The following CCDC32 variants were observed in gnomAD, a reference collection of about 807,000 sequenced individuals.
CCDC32 encodes the protein coiled-coil domain containing 32.
In CCDC32, 9 loss-of-function variants were observed where a neutral mutation model predicts 20.1. The ratio of observed to expected loss-of-function variants is 0.45; its 90% CI spans 0.27 to 0.78. CCDC32 has a LOEUF of 0.78. Among genes scored for constraint, CCDC32 ranks in the 30% least tolerant of loss-of-function variants. CCDC32 has a pLI of 0.16. For missense variants in CCDC32, 204 were observed against 215.5 expected (o/e 0.95, Z 0.33); for synonymous variants, 63 against 79.0 (o/e 0.80, Z 1.07).
chr15:40,562,714 G>A (rs1469737693), intron 2 of CCDC32, 58 bp downstream of exon 2: 2 of 1,551,118 alleles, frequency 1.3e-6, no homozygotes, highest in Non-Finnish European at 1.7e-6. Context: ...AAAAGAATAG[G>A]AAACCAAGTT....
At chr15:40,526,773 C>T (rs1282381350), downstream of CCDC32, among the ~76,000 whole-genome samples, 1 of 152,102 alleles carries the variant, frequency 6.6e-6, no homozygotes, top group African/African-American at 2.4e-5. Flanking sequence ...ATTAGCTGGG[C>T]ATGGTGGCAT....
chr15:40,558,577 G>T (rs1210432672), intron 2 of CCDC32, among the ~76,000 whole-genome samples: 1 of 152,004 alleles, frequency 6.6e-6, no homozygotes, highest in Non-Finnish European at 1.5e-5. Flanking sequence ...CTCTCTCTAA[G>T]TATGCTGAGT....
In CCDC32 at chr15:40,553,137, T is replaced by A. The variant is rs1291831125; in HGVS notation, c.*834A>T. ...AGTTTTATATGGAAACACATACTGA[T>A]CATGAACACAATAAACAGGGAGGGA... On this transcript the variant is annotated 3_prime_UTR_variant, in exon 4 of 4. Coordinates refer to ENST00000416810, the MANE Select transcript of CCDC32 (RefSeq NM_001080792.4). The A allele has an allele frequency of 1.0e-6, 1 of 985,268 alleles. No homozygotes were observed. The highest frequency in any genetic ancestry group is 1.2e-6 in the Non-Finnish European group (1 of 829,968). 61.0% of individuals were successfully genotyped at this position (985,268 alleles called of 1,614,324 possible).
At chr15:40,564,849 A>C in intron 1 of CCDC32, 127 bp downstream of exon 1, 1 of 1,601,632 alleles carries the variant, frequency 6.2e-7, no homozygotes. Flanking sequence ...CCCAGGCCTC[A>C]GTCGCTCAGG....
downstream of CCDC32, among the ~76,000 whole-genome samples, chr15:40,525,168 C>A (rs946461406): frequency 6.6e-6 from 1 of 152,088 alleles, no homozygotes; most frequent in Non-Finnish European, 1.5e-5. Context: ...GCTCGGATTA[C>A]AGGCGCCTGC....
chr15:40,527,718 T>TA (rs1421927038), downstream of CCDC32, among the ~76,000 whole-genome samples: 1 of 152,188 alleles, frequency 6.6e-6, no homozygotes, highest in Non-Finnish European at 1.5e-5. Context: ...AGCTAGCACA[T>TA]TAGCACGTTC....
intron 3 of CCDC32, among the ~76,000 whole-genome samples, chr15:40,540,726 G>C (rs1163227340): frequency 6.6e-6 from 1 of 152,122 alleles, no homozygotes; most frequent in East Asian, 1.9e-4. Flanking sequence ...CTGGGGCCGG[G>C]CCAGTCTCTC....
Position 40,559,438 on chromosome 15 carries a change from G to A in CCDC32, c.245-2066C>T, listed in dbSNP as rs550640952. ...TGTCATACAGCACCAACAAGCCAAGGGATCTCGTTCTATAGCTTTATCCAA... is the reference window on the plus strand; with the variant it reads ...TGTCATACAGCACCAACAAGCCAAGAGATCTCGTTCTATAGCTTTATCCAA... On this transcript the variant is annotated intron_variant, in intron 2 of 3. Transcript: ENST00000416810. Among the ~76,000 whole-genome samples the A allele has an allele frequency of 3.9e-5, 6 of 152,124 alleles. No individual in the cohort carries two copies. The East Asian group carries it at 7.7e-4, about 20-fold the overall frequency.
the CCDC32 span, among the ~76,000 whole-genome samples, chr15:40,523,552 A>C: frequency 1.3e-5 from 2 of 151,854 alleles, no homozygotes; most frequent in Admixed American, 6.6e-5. Context: ...CTCTGGATTT[A>C]TTTTCCTTAC....
At position 40,557,364 on chromosome 15, in the gene CCDC32, G is replaced by C. The variant is rs1030135371; in HGVS notation, c.253C>G (p.Leu85Val). 9 of 1,610,794 alleles carry C rather than the reference G, an allele frequency of 5.6e-6. No homozygotes were observed. Among genetic ancestry groups the C allele is most frequent in the Non-Finnish European group, 7.6e-6 (9 of 1,179,012 alleles). The change falls in exon 3 of 4, where the codon CTA becomes GTA. Residue 85 changes from leucine (L) to valine (V), a missense_variant. Leu to Val is a conservative substitution (Grantham distance 32). Coordinates refer to ENST00000416810, the MANE Select transcript of CCDC32 (RefSeq NM_001080792.4). ...TGATTTAAACCTTTGATTCTTCTTAGCTTCTTCTCTAGAGAGAGAAGTAGA... is the reference window on the plus strand; with the variant it reads ...TGATTTAAACCTTTGATTCTTCTTACCTTCTTCTCTAGAGAGAGAAGTAGA... The part of the protein sequence containing the change: ...EVYLASLEKK[L>V]RRIKGLNQEV...
chr15:40,564,276 C>T (rs2141663749), intron 1 of CCDC32, among the ~76,000 whole-genome samples: 1 of 152,252 alleles, frequency 6.6e-6, no homozygotes, highest in South Asian at 2.1e-4. Flanking sequence ...GTCTCATGCT[C>T]TTATTTTAAT....
In CCDC32 at chr15:40,564,969, C is replaced by T; in HGVS notation, c.-13+7G>A. On this transcript the variant is annotated splice_region_variant and intron_variant, in intron 1 of 3. Coordinates refer to ENST00000416810, the MANE Select transcript of CCDC32 (RefSeq NM_001080792.4). ...AACGCTGGGCACCCCAGCCCCTCCT[C>T]ACTTACCGTAACAGCTGCCCAGTAA... 1 of 638,822 alleles carries T rather than the reference C, an allele frequency of 1.6e-6. No homozygotes were observed. Among genetic ancestry groups the T allele is most frequent in the Non-Finnish European group, 2.7e-6 (1 of 369,208 alleles). 39.6% of individuals were successfully genotyped at this position (638,822 alleles called of 1,614,324 possible).
chr15:40,546,388 C>T (rs1343620631), intron 3 of CCDC32, among the ~76,000 whole-genome samples: 1 of 151,880 alleles, frequency 6.6e-6, no homozygotes, highest in Non-Finnish European at 1.5e-5. Flanking sequence ...GATGAGGTCT[C>T]ATGTTGCCCA....
Position 40,553,858 on chromosome 15 carries a change from T to C in CCDC32, c.*113A>G, listed in dbSNP as rs1315657735. ...TTCAGTGGATTTCTCCCTGCTGCTGTCACTGAGCTCCACGCTGCTCGCTCT... is the reference window on the plus strand; with the variant it reads ...TTCAGTGGATTTCTCCCTGCTGCTGCCACTGAGCTCCACGCTGCTCGCTCT... On this transcript the variant is annotated 3_prime_UTR_variant, in exon 4 of 4. Transcript: ENST00000416810. 7 of 1,418,422 alleles carry C rather than the reference T, an allele frequency of 4.9e-6. No individual in the cohort carries two copies. Among genetic ancestry groups the C allele is most frequent in the Non-Finnish European group, 6.5e-6 (7 of 1,076,726 alleles). 87.9% of individuals were successfully genotyped at this position (1,418,422 alleles called of 1,614,324 possible).
At position 40,564,988 on chromosome 15, in the gene CCDC32, C is replaced by T. The variant is rs761764279; in HGVS notation, c.-25G>A. On this transcript the variant is annotated 5_prime_UTR_variant, in exon 1 of 4. Coordinates refer to ENST00000416810, the MANE Select transcript of CCDC32 (RefSeq NM_001080792.4). ...CCTCCTCACTTACCGTAACAGCTGC[C>T]CAGTAAACGCTTGGCTCAGCTCTGT... 1.7e-6 allele frequency: 1 copy of T among 605,472 alleles called. No individual in the cohort carries two copies. The highest frequency in any genetic ancestry group is 2.9e-6 in the Non-Finnish European group (1 of 343,120). 37.5% of individuals were successfully genotyped at this position (605,472 alleles called of 1,614,324 possible).
chr15:40,527,640 A>C (rs1473206022), downstream of CCDC32, among the ~76,000 whole-genome samples: 1 of 152,184 alleles, frequency 6.6e-6, no homozygotes, highest in Non-Finnish European at 1.5e-5. Context: ...TCATTCATAA[A>C]TTCGTGGATT....
chr15:40,527,470 C>T (rs1248786563), downstream of CCDC32, among the ~76,000 whole-genome samples: 2 of 152,296 alleles, frequency 1.3e-5, no homozygotes, highest in East Asian at 1.9e-4. Flanking sequence ...CGCACCCCAC[C>T]GAATGTTCTT....
intron 1 of CCDC32, among the ~76,000 whole-genome samples, chr15:40,563,700 AC>A (rs368741457): frequency 0.25 from 37,865 of 151,980 alleles, 5,738 homozygotes; most frequent in Middle Eastern, 0.36. Flanking sequence ...ACACACACAC[AC>A]ACACACAAAT....
chr15:40,523,145 C>G, the CCDC32 span, among the ~76,000 whole-genome samples: 2 of 151,692 alleles, frequency 1.3e-5, no homozygotes, highest in South Asian at 4.2e-4. Context: ...CTCAGCCTCC[C>G]AAAGTGCTGG....
Sources: allele counts gnomAD v4.1 joint callset (sites outside exome capture counted in the v4.1 genomes callset), GRCh38; gene constraint gnomAD v4.1.1; transcripts MANE v1.5; gene names NCBI Gene and HGNC (gene_info 2026-07-23, HGNC 2026-07-21).